The following NSUN7 variants were observed in gnomAD, a reference collection of about 807,000 sequenced individuals.
NSUN7 encodes NOP2/Sun RNA methyltransferase family member 7, also known as protein NSUN7.
A neutral mutation model predicts 58.5 loss-of-function variants in NSUN7; 39 were observed. The ratio of observed to expected loss-of-function variants is 0.67; its 90% CI spans 0.52 to 0.87. NSUN7 has a LOEUF of 0.87. NSUN7 is among the 40% of genes least tolerant of loss of function. NSUN7 has a pLI of 0.00. For synonymous variants in NSUN7, 278 were observed against 303.7 expected (o/e 0.92, Z 0.88); for missense variants, 765 against 844.1 (o/e 0.91, Z 1.16).
In NSUN7 at chr4:40,759,298, G is replaced by A. The variant is rs560106451; in HGVS notation, c.299-1136G>A. Reference sequence around the variant, plus strand: ...TGCACTCCGGCCGGTGTGATAGAGCGAGACTCTGTCTCATAAATAAATAAA... The same window carrying A: ...TGCACTCCGGCCGGTGTGATAGAGCAAGACTCTGTCTCATAAATAAATAAA... On this transcript the variant is annotated intron_variant, in intron 2 of 11. Transcript: ENST00000381782. 9.2e-5 allele frequency among the ~76,000 whole-genome samples: 14 copies of A among 152,198 alleles called. No homozygotes were observed. The South Asian group carries it at 1.2e-3, about 14-fold the overall frequency.
rs1484699211 is a variant in NSUN7, at chr4:40,750,927, G to T, written c.234G>T (p.Leu78Phe). The change falls in exon 2 of 12, where the codon TTG (leucine) becomes TTT (phenylalanine). Residue 78 changes from leucine (L) to phenylalanine (F), a missense_variant. By Grantham distance (22) the Leu-to-Phe change is conservative (BLOSUM62 0). Transcript: ENST00000381782. ...IKYGNEPLRS[L>F]SESEDQSFQR... ...ATGGGAATGAACCCCTGCGGTCCTTGTCCGAGTCTGAGGATCAGTCCTTTC... is the reference window on the plus strand; with the variant it reads ...ATGGGAATGAACCCCTGCGGTCCTTTTCCGAGTCTGAGGATCAGTCCTTTC... The T allele has an allele frequency of 6.2e-7, 1 of 1,614,080 alleles. No homozygotes were observed. Among genetic ancestry groups the T allele is most frequent in the Non-Finnish European group, 8.5e-7 (1 of 1,180,048 alleles).
At chr4:40,786,502 A>G in intron 7 of NSUN7, 1 of 1,613,308 alleles carries the variant, frequency 6.2e-7, no homozygotes, top group Non-Finnish European at 8.5e-7. Flanking sequence ...CCCTGTACTT[A>G]TAGTTGCTAA....
chr4:40,799,243 G>A lies in NSUN7; in HGVS notation c.1400+339G>A, dbSNP rs61140249. 1.4e-3 allele frequency among the ~76,000 whole-genome samples: 202 copies of A among 146,480 alleles called. 2 individuals carry two copies. The East Asian group carries it at 0.02, about 15-fold the overall frequency. ...TGGGATTACAGGCAAGTGCCACCAC[G>A]CCAGGCTAATTTTTGTATTTTTAGT... is the stretch of plus-strand genomic sequence containing the variant. On this transcript the variant is annotated intron_variant, in intron 10 of 11. Transcript: ENST00000381782.
chr4:40,793,969 A>C (rs569826349), intron 8 of NSUN7, among the ~76,000 whole-genome samples: 1 of 152,276 alleles, frequency 6.6e-6, no homozygotes, highest in Non-Finnish European at 1.5e-5. Flanking sequence ...ATTTTAAACC[A>C]TATCCTTGTG....
chr4:40,757,897 C>T (rs1488739508), intron 2 of NSUN7, among the ~76,000 whole-genome samples: 1 of 81,072 alleles, frequency 1.2e-5, no homozygotes, highest in African/African-American at 4.8e-5. Flanking sequence ...CTCTCCTATT[C>T]CTGTTTTTGT....
chr4:40,809,168 AT>A lies in NSUN7; in HGVS notation c.*230del. ...AGCCAATCACTGCTGCTCTGAGAGG[AT>A]CCAGTTAGAGACTCAGTATCAGCGG... On this transcript the variant is annotated 3_prime_UTR_variant, in exon 12 of 12. Transcript: ENST00000381782. The A allele has an allele frequency of 2.2e-6, 1 of 455,328 alleles. No individual in the cohort carries two copies. The highest frequency in any genetic ancestry group is 4.4e-5 in the South Asian group (1 of 22,932). 28.2% of individuals were successfully genotyped at this position (455,328 alleles called of 1,614,324 possible).
intron 4 of NSUN7, among the ~76,000 whole-genome samples, chr4:40,762,146 T>C (rs1741491294): frequency 6.6e-6 from 1 of 152,232 alleles, no homozygotes; most frequent in African/African-American, 2.4e-5. Flanking sequence ...CCTCACCAAA[T>C]GCCAGCACCT....
chr4:40,760,176 T>A (rs1741380519), intron 2 of NSUN7, among the ~76,000 whole-genome samples: 1 of 152,264 alleles, frequency 6.6e-6, no homozygotes, highest in Non-Finnish European at 1.5e-5. Context: ...TGGAATCCTT[T>A]TATTACTGCT....
chr4:40,797,596 A>G (rs758688148), intron 9 of NSUN7, among the ~76,000 whole-genome samples: 1 of 152,182 alleles, frequency 6.6e-6, no homozygotes, highest in African/African-American at 2.4e-5. Flanking sequence ...GGTAGGTTCT[A>G]CATTCAACTT....
intron 7 of NSUN7, among the ~76,000 whole-genome samples, chr4:40,787,725 C>T (rs1201856962): frequency 6.6e-6 from 1 of 152,158 alleles, no homozygotes; most frequent in African/African-American, 2.4e-5. Flanking sequence ...GATGTTGTCA[C>T]AGAATTCTGC....
chr4:40,792,314 C>T (rs1743105506), intron 8 of NSUN7, among the ~76,000 whole-genome samples: 1 of 151,974 alleles, frequency 6.6e-6, no homozygotes, highest in African/African-American at 2.4e-5. Context: ...AAAAATAAAC[C>T]ACAGAATAAA....
chr4:40,804,998 C>T (rs775671601), intron 10 of NSUN7, among the ~76,000 whole-genome samples: 18 of 152,126 alleles, frequency 1.2e-4, no homozygotes, highest in Non-Finnish European at 2.4e-4. Flanking sequence ...GGACCCTCCT[C>T]TCAACATAGC....
At chr4:40,768,758 G>A (rs1284718405) in intron 4 of NSUN7, among the ~76,000 whole-genome samples, 1 of 152,064 alleles carries the variant, frequency 6.6e-6, no homozygotes, top group Non-Finnish European at 1.5e-5. Flanking sequence ...TGTATAAAAT[G>A]TAACTGTCTT....
intron 2 of NSUN7, among the ~76,000 whole-genome samples, chr4:40,753,280 CTTTTT>C (rs771038149): frequency 7.2e-6 from 1 of 138,968 alleles, no homozygotes; most frequent in Non-Finnish European, 1.6e-5. Context: ...TTTTATCTTT[CTTTTT>C]TTTTTTTTTT....
chr4:40,789,913 G>A (rs1198205456), intron 7 of NSUN7, among the ~76,000 whole-genome samples: 5 of 152,048 alleles, frequency 3.3e-5, no homozygotes, highest in East Asian at 1.9e-4. Flanking sequence ...GTAAGATAGG[G>A]GGCACAGATG....
intron 7 of NSUN7, among the ~76,000 whole-genome samples, chr4:40,790,063 C>CT (rs1560559684): frequency 1.2e-5 from 1 of 84,068 alleles, no homozygotes; most frequent in South Asian, 3.6e-4. Context: ...CCCTCCCCCA[C>CT]CTTTTTTTTT....
chr4:40,769,080 T>C (rs923575619), intron 4 of NSUN7, among the ~76,000 whole-genome samples: 3 of 152,218 alleles, frequency 2.0e-5, no homozygotes, highest in African/African-American at 7.2e-5. Flanking sequence ...CTGTGTCTAA[T>C]GCATCAAGTC....
intron 7 of NSUN7, among the ~76,000 whole-genome samples, chr4:40,790,078 T>C (rs1418241391): frequency 1.3e-5 from 2 of 151,346 alleles, no homozygotes; most frequent in East Asian, 3.9e-4. Context: ...TTTTTTTTTT[T>C]TTTTCTGGAG....
chr4:40,778,481 G>A (rs1167353849), intron 7 of NSUN7, among the ~76,000 whole-genome samples: 1 of 152,222 alleles, frequency 6.6e-6, no homozygotes, highest in African/African-American at 2.4e-5. Context: ...CCTCATGAAT[G>A]GGATTAGTGC....
Sources: allele counts gnomAD v4.1 joint callset (sites outside exome capture counted in the v4.1 genomes callset), GRCh38; gene constraint gnomAD v4.1.1; transcripts MANE v1.5; gene names NCBI Gene and HGNC (gene_info 2026-07-23, HGNC 2026-07-21).